The following PCDHA2 variants were observed in gnomAD, a reference collection of about 807,000 sequenced individuals.
PCDHA2 encodes the protein protocadherin alpha 2, also known as protocadherin alpha-2.
PCDHA2 carries 58 observed loss-of-function variants against 66.0 expected under a neutral mutation model. That is an observed-to-expected ratio of 0.88 (90% CI 0.71 to 1.09). The LOEUF (loss-of-function observed/expected upper bound fraction) is 1.09. Among genes scored for constraint, PCDHA2 ranks in the 50% least tolerant of loss-of-function variants. The pLI is 0.00. For missense variants in PCDHA2, 1,267 were observed against 1,242.3 expected (o/e 1.02, Z -0.30); for synonymous variants, 634 against 554.0 (o/e 1.14, Z -2.03).
intron 1 of PCDHA2, chr5:140,822,148 A>G (rs2150114067): frequency 2.5e-6 from 4 of 1,614,274 alleles, no homozygotes; most frequent in East Asian, 2.2e-5. Context: ...AGTGAAGGAC[A>G]TCAATGACAA....
chr5:140,897,311 C>T (rs1460942002), intron 1 of PCDHA2, among the ~76,000 whole-genome samples: 7 of 150,308 alleles, frequency 4.7e-5, no homozygotes, highest in Non-Finnish European at 7.4e-5. Context: ...TTAGGTATAT[C>T]TCCTAAAGCT....
In PCDHA2 at chr5:140,947,881, A is replaced by G. The variant is rs191017624; in HGVS notation, c.2389-31068A>G. On this transcript the variant is annotated intron_variant, in intron 1 of 3. Transcript: ENST00000526136. ...TATAATGGCTAGGACTTCCAGGACA[A>G]TATAAACAGAAGTGGTGAGAGCAGA... 2.7e-3 allele frequency among the ~76,000 whole-genome samples: 417 copies of G among 151,684 alleles called. 2 individuals carry two copies. Among genetic ancestry groups the G allele is most frequent in the Middle Eastern group, 0.014 (4 of 294 alleles).
Position 140,883,090 on chromosome 5 carries a change from T to C in PCDHA2, c.2388+85738T>C, listed in dbSNP as rs550322124. On this transcript the variant is annotated intron_variant, in intron 1 of 3. Transcript: ENST00000526136. ...CCACAGATCCTGATGATGGTACAAA[T>C]GGAGATATAGTTTACTCATTTAGAA... The C allele has an allele frequency of 1.4e-4, 226 of 1,614,138 alleles. 1 individual carries two copies. In the South Asian group the frequency reaches 2.4e-3, roughly 17 times the overall value.
chr5:140,916,956 C>T (rs1554197714), intron 1 of PCDHA2, among the ~76,000 whole-genome samples: 1 of 152,220 alleles, frequency 6.6e-6, no homozygotes, highest in Non-Finnish European at 1.5e-5. Flanking sequence ...TTGCTGAGTT[C>T]TGACTGCTGG....
rs148181752 is a variant in PCDHA2, at chr5:140,966,860, TTGCTGC to T, written c.2389-12081_2389-12076del. 7,760 of 1,577,476 alleles carry T rather than the reference TTGCTGC, an allele frequency of 4.9e-3. 268 individuals are homozygous for T. The African/African-American group carries it at 0.086, about 18-fold the overall frequency. ...GCTGCTACTGCCTCTCCTGCTGCTG[TTGCTGC>T]TGCTGCTACCTGGCCCTGCGGCCTC... On this transcript the variant is annotated intron_variant, in intron 1 of 3. Coordinates refer to ENST00000526136, the MANE Select transcript of PCDHA2 (RefSeq NM_018905.3).
intron 1 of PCDHA2, chr5:140,814,803 A>C (rs1554126605): frequency 1.3e-5 from 2 of 152,094 alleles, no homozygotes; most frequent in Non-Finnish European, 2.9e-5. Context: ...ACAACACTTG[A>C]CTTTATTGTA....
At chr5:140,990,114 A>G (rs1392233617) in intron 3 of PCDHA2, among the ~76,000 whole-genome samples, 9 of 151,936 alleles carry the variant, frequency 5.9e-5, no homozygotes, top group Admixed American at 4.6e-4. Flanking sequence ...GGAAATTGAG[A>G]GCTCTGTAGA....
chr5:140,916,210 A>G, intron 1 of PCDHA2, among the ~76,000 whole-genome samples: 1 of 152,210 alleles, frequency 6.6e-6, no homozygotes, highest in East Asian at 1.9e-4. Context: ...GCCCTGGGGA[A>G]GATCCAAATA....
intron 1 of PCDHA2, chr5:140,865,831 C>T (rs1554159632): frequency 6.6e-6 from 1 of 152,124 alleles, no homozygotes. Context: ...GTAGAGCTTT[C>T]TTTAGTAAGT....
chr5:140,962,619 T>C (rs1405135656), intron 1 of PCDHA2, among the ~76,000 whole-genome samples: 1 of 152,212 alleles, frequency 6.6e-6, no homozygotes, highest in East Asian at 1.9e-4. Context: ...GGAAGGGAGA[T>C]GTGAAAAAAT....
Position 140,849,890 on chromosome 5 carries a change from G to A in PCDHA2, c.2388+52538G>A, listed in dbSNP as rs17844330. ...AGTCCGAGTACACGGTGTTCGTGAA[G>A]GAGAACAACCCGCCGGGCTGCCACA... On this transcript the variant is annotated intron_variant, in intron 1 of 3. Transcript: ENST00000526136. 4.5e-4 allele frequency: 715 copies of A among 1,598,648 alleles called. 25 individuals are homozygous for A. In the East Asian group the frequency reaches 0.016, roughly 35 times the overall value.
At chr5:141,006,880 G>A (rs1554260955) in intron 3 of PCDHA2, among the ~76,000 whole-genome samples, 1 of 152,192 alleles carries the variant, frequency 6.6e-6, no homozygotes, top group Non-Finnish European at 1.5e-5. Flanking sequence ...GAGGAATCAA[G>A]AGTTTGATTT....
chr5:140,926,791 G>A, intron 1 of PCDHA2: 6 of 1,439,200 alleles, frequency 4.2e-6, no homozygotes, highest in East Asian at 2.5e-5. Context: ...GCCGGCAGGA[G>A]CGTGCTCTTC....
chr5:140,821,057 T>A (rs1253848175), intron 1 of PCDHA2, among the ~76,000 whole-genome samples: 6 of 152,004 alleles, frequency 3.9e-5, no homozygotes, highest in Non-Finnish European at 5.9e-5. Context: ...AAGAATGCCA[T>A]TAAAATAGTT....
At chr5:141,009,167 G>A (rs2098401919) in intron 3 of PCDHA2, among the ~76,000 whole-genome samples, 1 of 152,180 alleles carries the variant, frequency 6.6e-6, no homozygotes, top group African/African-American at 2.4e-5. Flanking sequence ...TGTAAATACT[G>A]GCCTTGGCTG....
intron 1 of PCDHA2, chr5:140,803,943 G>T (rs539392067): frequency 5.3e-6 from 2 of 377,022 alleles, no homozygotes; most frequent in Admixed American, 4.4e-5. Flanking sequence ...CCTATACAAT[G>T]CTTCTTCAAT....
intron 1 of PCDHA2, chr5:140,868,387 A>G: frequency 1.3e-5 from 2 of 152,312 alleles, no homozygotes; most frequent in South Asian, 4.1e-4. Context: ...AATGAGAACT[A>G]TAGAAAATAG....
intron 1 of PCDHA2, chr5:140,828,334 T>C (rs2150154149): frequency 1.9e-6 from 3 of 1,614,224 alleles, no homozygotes; most frequent in East Asian, 4.5e-5. Context: ...ATCTGCAGAA[T>C]GGCATTTTGT....
chr5:140,869,086 A>G (rs1554162467), intron 1 of PCDHA2: 1 of 1,584,176 alleles, frequency 6.3e-7, no homozygotes, highest in African/African-American at 1.4e-5. Context: ...CTTATTTTGG[A>G]AGCCAATTTC....
Sources: gnomAD v4.1 joint callset for allele counts (sites outside exome capture counted in the v4.1 genomes callset) on GRCh38, gnomAD v4.1.1 for gene constraint, MANE v1.5 for transcripts, NCBI Gene and HGNC (gene_info 2026-07-23, HGNC 2026-07-21) for gene names.